Variants in ZNF81 observed in about 807,000 individuals in gnomAD.
ZNF81 encodes zinc finger protein 81.
In ZNF81, 5 loss-of-function variants were observed where a neutral mutation model predicts 32.3. That is an observed-to-expected ratio of 0.15 (90% CI 0.08 to 0.33). The LOEUF (loss-of-function observed/expected upper bound fraction) is 0.33, where lower values mean the gene tolerates loss of function less well. Among genes scored for constraint, ZNF81 ranks in the 10% least tolerant of loss-of-function variants. The pLI is 1.00. For missense variants in ZNF81, 379 were observed against 479.8 expected (o/e 0.79, Z 1.96); for synonymous variants, 163 against 166.8 (o/e 0.98, Z 0.17).
intron 3 of ZNF81, among the ~76,000 whole-genome samples, chrX:47,889,948 C>G (rs1286766130): frequency 9.0e-6 from 1 of 111,385 alleles, no homozygotes; most frequent in African/African-American, 3.3e-5. Flanking sequence ...CCACCAGGCC[C>G]CATCTCCAAC....
intron 1 of ZNF81, among the ~76,000 whole-genome samples, chrX:47,841,949 A>G (rs1385403166): frequency 9.0e-6 from 1 of 111,620 alleles, no homozygotes; most frequent in Admixed American, 9.5e-5. Context: ...TCATATAAAC[A>G]TTTAGTGCTA....
At chrX:47,864,209 C>T (rs189908549) in intron 2 of ZNF81, among the ~76,000 whole-genome samples, 1 of 111,337 alleles carries the variant, frequency 9.0e-6, no homozygotes, top group Non-Finnish European at 1.9e-5. Context: ...TTTGAGGAGG[C>T]TTTTCCAGTG....
rs955359781 is a variant in ZNF81 at position 47,923,942 on chromosome X, G to C, written c.*7310G>C. Among the ~76,000 whole-genome samples the C allele has an allele frequency of 9.9e-5, 11 of 111,263 alleles. No homozygotes were observed. In the East Asian group the frequency reaches 2.3e-3, roughly 23 times the overall value. On this transcript the variant is annotated 3_prime_UTR_variant, in exon 5 of 5. Coordinates refer to ENST00000338637, the MANE Select transcript of ZNF81 (RefSeq NM_007137.5). ...CTTCCAGCCCTGCTGACCAACAGTA[G>C]CCCCAGGTCTACCACCAGATGCTTG...
intron 2 of ZNF81, among the ~76,000 whole-genome samples, chrX:47,846,752 CT>C (rs2058472521): frequency 9.0e-6 from 1 of 111,729 alleles, no homozygotes; most frequent in Non-Finnish European, 1.9e-5. Context: ...CACCCTTACT[CT>C]TTTTAATAGT....
chrX:47,841,739 G>A, intron 1 of ZNF81: 1 of 473,770 alleles, frequency 2.1e-6, no homozygotes, highest in South Asian at 3.5e-5. Context: ...TGTCAATCTT[G>A]CTGGAGGATT....
chrX:47,860,813 G>A (rs1248856781), intron 2 of ZNF81: 1 of 111,279 alleles, frequency 9.0e-6, no homozygotes, highest in Non-Finnish European at 1.9e-5. Context: ...CGGAGAAGAC[G>A]TAGAAGCTCT....
At chrX:47,901,710 G>T (rs2058698806) in intron 4 of ZNF81, among the ~76,000 whole-genome samples, 1 of 103,193 alleles carries the variant, frequency 9.7e-6, no homozygotes. Context: ...CTAATATTTG[G>T]TAAGGATCTT....
At chrX:47,848,693 C>CT (rs1265287736) in intron 2 of ZNF81, among the ~76,000 whole-genome samples, 1 of 111,581 alleles carries the variant, frequency 9.0e-6, no homozygotes, top group Non-Finnish European at 1.9e-5. Context: ...AAATCCAAAA[C>CT]TTTTTGAGCA....
chrX:47,901,998 C>G (rs2058700297), intron 4 of ZNF81, among the ~76,000 whole-genome samples: 1 of 111,766 alleles, frequency 8.9e-6, no homozygotes, highest in African/African-American at 3.2e-5. Flanking sequence ...TCTGGGTCAT[C>G]TGAAGTTTTC....
At position 47,923,296 on chromosome X, in the gene ZNF81, G is replaced by A. The variant is rs911269512; in HGVS notation, c.*6664G>A. Among the ~76,000 whole-genome samples the A allele has an allele frequency of 1.2e-4, 13 of 111,511 alleles. No individual in the cohort carries two copies. Among genetic ancestry groups the A allele is most frequent in the Non-Finnish European group, 2.1e-4 (11 of 53,116 alleles). On this transcript the variant is annotated 3_prime_UTR_variant, in exon 5 of 5. Coordinates refer to ENST00000338637, the MANE Select transcript of ZNF81 (RefSeq NM_007137.5). The stretch of plus-strand genomic sequence containing the variant: ...ACACTGAGGTGGGATTTGAGAGCTT[G>A]TTTCCGGCATCTTAGTGTCATCCAG...
At chrX:47,851,595 C>T (rs2058495897) in intron 2 of ZNF81, among the ~76,000 whole-genome samples, 1 of 111,582 alleles carries the variant, frequency 9.0e-6, no homozygotes, top group Non-Finnish European at 1.9e-5. Flanking sequence ...TAGGGTGTTG[C>T]TATTTATGGA....
intron 2 of ZNF81, among the ~76,000 whole-genome samples, chrX:47,881,495 TA>T (rs1259969991): frequency 8.9e-6 from 1 of 112,399 alleles, no homozygotes; most frequent in African/African-American, 3.2e-5. Context: ...AGGGGACAGA[TA>T]TTCAAACCAT....
chrX:47,922,722 C>A lies in ZNF81; in HGVS notation c.*6090C>A, dbSNP rs934103038. ...TATTTCTTTCCTCGGGCTGCTATAA[C>A]AAAGTACCACAAATTGGGCAGCCTA... On this transcript the variant is annotated 3_prime_UTR_variant, in exon 5 of 5. Transcript: ENST00000338637. 9.0e-6 allele frequency among the ~76,000 whole-genome samples: 1 copy of A among 111,670 alleles called. No homozygotes were observed. The highest frequency in any genetic ancestry group is 1.9e-5 in the Non-Finnish European group (1 of 53,142).
chrX:47,874,628 C>A (rs1267684981), intron 2 of ZNF81, among the ~76,000 whole-genome samples: 1 of 111,930 alleles, frequency 8.9e-6, no homozygotes, highest in African/African-American at 3.2e-5. Context: ...TGGCATCAGC[C>A]TTATTGGTGA....
intron 2 of ZNF81, among the ~76,000 whole-genome samples, chrX:47,873,912 C>A (rs2058589997): frequency 8.9e-6 from 1 of 111,829 alleles, no homozygotes; most frequent in Admixed American, 9.5e-5. Flanking sequence ...AAGCAATCTG[C>A]CCATCTCAGC....
Position 47,924,953 on chromosome X carries a change from T to G in ZNF81, c.*8321T>G, listed in dbSNP as rs1347620015. Among the ~76,000 whole-genome samples the G allele has an allele frequency of 9.0e-6, 1 of 111,607 alleles. No individual in the cohort carries two copies. Among genetic ancestry groups the G allele is most frequent in the African/African-American group, 3.3e-5 (1 of 30,715 alleles). On this transcript the variant is annotated 3_prime_UTR_variant, in exon 5 of 5. Transcript: ENST00000338637. ...ATAACATCCATCTAGATTTAACAAT[T>G]TATATGTAATTTTTCCTGAAATACC...
At position 47,925,601 on chromosome X, in the gene ZNF81, A is replaced by C. The variant is rs1285938606; in HGVS notation, c.*8969A>C. 8.9e-6 allele frequency among the ~76,000 whole-genome samples: 1 copy of C among 112,440 alleles called. No homozygotes were observed. Among genetic ancestry groups the C allele is most frequent in the Non-Finnish European group, 1.9e-5 (1 of 53,238 alleles). On this transcript the variant is annotated 3_prime_UTR_variant, in exon 5 of 5. Coordinates refer to ENST00000338637, the MANE Select transcript of ZNF81 (RefSeq NM_007137.5). Reference sequence around the variant, plus strand: ...TTTCCAGCTTTTGGCTATTACAAATAAAACTGATGTGAACATTTGTTTACA... The same window carrying C: ...TTTCCAGCTTTTGGCTATTACAAATCAAACTGATGTGAACATTTGTTTACA...
intron 1 of ZNF81, among the ~76,000 whole-genome samples, chrX:47,843,221 A>G (rs1422113289): frequency 3.6e-5 from 4 of 111,439 alleles, no homozygotes; most frequent in African/African-American, 1.3e-4. Context: ...TTGTTTATCC[A>G]TTCATCACTT....
rs1556891234 is a variant in ZNF81 at position 47,917,516 on chromosome X, C to T, written c.*884C>T. On this transcript the variant is annotated 3_prime_UTR_variant, in exon 5 of 5. Coordinates refer to ENST00000338637, the MANE Select transcript of ZNF81 (RefSeq NM_007137.5). ...GAAGTGTGCAAAGCCTGCCTTGAAG[C>T]TTACCCTCTCTTGCTGCTCTTTGCA... is the stretch of plus-strand genomic sequence containing the variant. 3.7e-6 allele frequency: 1 copy of T among 268,109 alleles called. No homozygotes were observed. The highest frequency in any genetic ancestry group is 2.8e-5 in the African/African-American group (1 of 35,840). The allele number at this position is 268,109 out of a possible 1,213,427, so 22.1% of individuals were successfully genotyped here.
Sources: gnomAD v4.1 joint callset for allele counts (sites outside exome capture counted in the v4.1 genomes callset) on GRCh38, gnomAD v4.1.1 for gene constraint, MANE v1.5 for transcripts, NCBI Gene and HGNC (gene_info 2026-07-23, HGNC 2026-07-21) for gene names.